Variants in LYPLAL1 observed in about 807,000 individuals in gnomAD.
LYPLAL1 encodes lysophospholipase like 1.
Under a neutral mutation model 19.7 loss-of-function variants are expected in LYPLAL1, and 23 were observed. The ratio of observed to expected loss-of-function variants is 1.17; its 90% confidence interval spans 0.84 to 1.65. LYPLAL1 has a LOEUF of 1.65. Among genes scored for constraint, LYPLAL1 ranks in the 40% most tolerant of loss-of-function variants. The pLI is 0.00. For synonymous variants in LYPLAL1, 119 were observed against 96.3 expected (o/e 1.24, Z -1.38); for missense variants, 355 against 279.4 (o/e 1.27, Z -1.93).
the LYPLAL1 span, among the ~76,000 whole-genome samples, chr1:219,374,199 A>C: frequency 6.7e-6 from 1 of 149,462 alleles, no homozygotes; most frequent in Non-Finnish European, 1.5e-5. Flanking sequence ...TGTCTTATTT[A>C]AATAGTCCAA....
chr1:219,179,333 C>T, intron 2 of LYPLAL1, 87 bp downstream of exon 2: 1 of 933,706 alleles, frequency 1.1e-6, no homozygotes, highest in Non-Finnish European at 1.7e-6. Context: ...GTTCTTTAAG[C>T]TTAATTTTGT....
the LYPLAL1 span, among the ~76,000 whole-genome samples, chr1:219,278,678 AAACAACAACAAC>A: frequency 7.3e-5 from 11 of 150,744 alleles, no homozygotes; most frequent in African/African-American, 2.4e-4. Flanking sequence ...AAAAATCACT[AAACAACAACAAC>A]AACAACAACA....
At chr1:219,372,815 G>T in the LYPLAL1 span, among the ~76,000 whole-genome samples, 1 of 151,900 alleles carries the variant, frequency 6.6e-6, no homozygotes, top group African/African-American at 2.4e-5. Flanking sequence ...GAGGTGGGAG[G>T]ATCACCTGAG....
At chr1:219,353,035 G>A in the LYPLAL1 span, among the ~76,000 whole-genome samples, 5 of 152,202 alleles carry the variant, frequency 3.3e-5, no homozygotes, top group East Asian at 1.9e-4. Context: ...CTACAAAACC[G>A]GACTAAATTA....
At chr1:219,281,908 A>G in the LYPLAL1 span, among the ~76,000 whole-genome samples, 250 of 152,306 alleles carry the variant, frequency 1.6e-3, 1 homozygote, top group African/African-American at 5.5e-3. Flanking sequence ...ATCCCTGAGA[A>G]TCAGCACCTC....
intron 1 of LYPLAL1, 200 bp downstream of exon 1, chr1:219,174,181 C>T (rs1655609558): frequency 6.3e-6 from 9 of 1,420,754 alleles, no homozygotes; most frequent in Admixed American, 2.9e-5. Flanking sequence ...CTCTTTCTAT[C>T]GGGCGGTCAC....
chr1:219,388,097 C>A, the LYPLAL1 span, among the ~76,000 whole-genome samples: 1 of 152,158 alleles, frequency 6.6e-6, no homozygotes, highest in African/African-American at 2.4e-5. Flanking sequence ...TTCAGTCTTT[C>A]AGTTTATGAG....
At chr1:219,182,407 C>T (rs1656362743) in intron 2 of LYPLAL1, among the ~76,000 whole-genome samples, 1 of 151,978 alleles carries the variant, frequency 6.6e-6, no homozygotes. Flanking sequence ...GCTTCATTTG[C>T]GGTTTTAAGG....
the LYPLAL1 span, among the ~76,000 whole-genome samples, chr1:219,252,930 G>A: frequency 6.6e-6 from 1 of 151,984 alleles, no homozygotes. Context: ...CGTTTGGTTG[G>A]TAGGCTATTT....
intron 3 of LYPLAL1, among the ~76,000 whole-genome samples, chr1:219,205,598 C>T (rs1011224622): frequency 3.3e-5 from 5 of 151,782 alleles, no homozygotes; most frequent in Non-Finnish European, 5.9e-5. Context: ...AACTTTTGTA[C>T]AAGAAACATT....
the LYPLAL1 span, among the ~76,000 whole-genome samples, chr1:219,221,372 A>C: frequency 6.6e-6 from 1 of 152,170 alleles, no homozygotes; most frequent in Non-Finnish European, 1.5e-5. Flanking sequence ...GCATCTTTTC[A>C]TGTAGCACCT....
chr1:219,386,734 CA>C, the LYPLAL1 span, among the ~76,000 whole-genome samples: 1 of 152,148 alleles, frequency 6.6e-6, no homozygotes, highest in Non-Finnish European at 1.5e-5. Flanking sequence ...GAACTTAACC[CA>C]AATCTGCCCC....
intron 3 of LYPLAL1, among the ~76,000 whole-genome samples, chr1:219,205,675 G>C (rs1374050023): frequency 6.6e-6 from 1 of 152,098 alleles, no homozygotes. Context: ...GGGATAGTTA[G>C]AATTCCCAAG....
downstream of LYPLAL1, among the ~76,000 whole-genome samples, chr1:219,215,629 A>G (rs528692736): frequency 5.3e-5 from 8 of 152,236 alleles, no homozygotes; most frequent in East Asian, 1.5e-3. Context: ...GCCCTATCAA[A>G]TGTAGCCAGC....
At chr1:219,231,101 T>G in the LYPLAL1 span, among the ~76,000 whole-genome samples, 2 of 152,380 alleles carry the variant, frequency 1.3e-5, no homozygotes, top group South Asian at 4.1e-4. Context: ...ATGTTACTTT[T>G]AAATTAGTCC....
the LYPLAL1 span, among the ~76,000 whole-genome samples, chr1:219,342,185 C>T: frequency 1.3e-5 from 2 of 152,014 alleles, no homozygotes; most frequent in Non-Finnish European, 2.9e-5. Flanking sequence ...TGCTGAGAAA[C>T]AATTCTCCAT....
the LYPLAL1 span, among the ~76,000 whole-genome samples, chr1:219,396,436 T>G: frequency 6.6e-6 from 1 of 152,224 alleles, no homozygotes; most frequent in African/African-American, 2.4e-5. Flanking sequence ...TGGTTCCATA[T>G]GAATTTTAAA....
the LYPLAL1 span, among the ~76,000 whole-genome samples, chr1:219,369,630 C>A: frequency 6.6e-6 from 1 of 152,148 alleles, no homozygotes; most frequent in Admixed American, 6.5e-5. Flanking sequence ...GGCCAGTATA[C>A]AGTACAAACT....
the LYPLAL1 span, among the ~76,000 whole-genome samples, chr1:219,444,406 C>T: frequency 6.6e-6 from 1 of 152,136 alleles, no homozygotes; most frequent in Non-Finnish European, 1.5e-5. Context: ...CTCAGTCCTT[C>T]CCCAACCATC....
Sources: allele counts gnomAD v4.1 joint callset (sites outside exome capture counted in the v4.1 genomes callset), GRCh38; gene constraint gnomAD v4.1.1; transcripts MANE v1.5; gene names NCBI Gene and HGNC (gene_info 2026-07-23, HGNC 2026-07-21).